SLC35F3: variants seen among roughly 807,000 people sequenced by gnomAD.
SLC35F3 encodes solute carrier family 35 member F3.
SLC35F3 carries 25 observed loss-of-function variants against 49.9 expected under a neutral mutation model. That is an observed-to-expected ratio of 0.50 (90% CI 0.37 to 0.70). The LOEUF is 0.70. SLC35F3 is among the 30% of genes least tolerant of loss of function. The probability of loss-of-function intolerance (pLI) is 0.00; values close to 1 mark genes in which losing one functional copy is unlikely to be tolerated. For synonymous variants in SLC35F3, 275 were observed against 265.4 expected (o/e 1.04, Z -0.35); for missense variants, 525 against 639.8 (o/e 0.82, Z 1.94).
At chr1:233,910,377 A>G (rs1193376087) in intron 2 of SLC35F3, among the ~76,000 whole-genome samples, 2 of 152,252 alleles carry the variant, frequency 1.3e-5, no homozygotes, top group African/African-American at 4.8e-5. Flanking sequence ...GATTGAAGGA[A>G]CATATCTTGG....
At chr1:234,040,068 G>T (rs1201507789) in intron 2 of SLC35F3, among the ~76,000 whole-genome samples, 2 of 152,154 alleles carry the variant, frequency 1.3e-5, no homozygotes, top group Admixed American at 6.5e-5. Context: ...TGGATGAATT[G>T]AATAATGGTA....
chr1:234,199,988 A>C (rs560126774), intron 2 of SLC35F3, among the ~76,000 whole-genome samples: 1 of 152,216 alleles, frequency 6.6e-6, no homozygotes, highest in Non-Finnish European at 1.5e-5. Context: ...GAATAATAGC[A>C]CACGTTTGGT....
intron 2 of SLC35F3, among the ~76,000 whole-genome samples, chr1:234,230,239 C>T (rs1025353555): frequency 6.6e-6 from 1 of 152,206 alleles, no homozygotes; most frequent in Non-Finnish European, 1.5e-5. Flanking sequence ...TATTAGCTAA[C>T]ACCTGAAAAA....
chr1:234,185,639 A>C (rs1424676694), intron 2 of SLC35F3, among the ~76,000 whole-genome samples: 1 of 152,120 alleles, frequency 6.6e-6, no homozygotes, highest in African/African-American at 2.4e-5. Context: ...CACTCTGAAA[A>C]GCCATCTCTG....
intron 3 of SLC35F3, among the ~76,000 whole-genome samples, chr1:234,239,164 A>G (rs1180377894): frequency 3.9e-5 from 6 of 152,200 alleles, no homozygotes; most frequent in Non-Finnish European, 8.8e-5. Flanking sequence ...TGCAAGATAG[A>G]TGTGACAGTG....
chr1:234,004,110 G>C lies in SLC35F3; in HGVS notation c.283+98352G>C, dbSNP rs547564717. Reference sequence around the variant, plus strand: ...AGTGAGTTTTAAAATATCTGTCCCAGAGAAATGCAAACATAGATCCACGTG... The same window carrying C: ...AGTGAGTTTTAAAATATCTGTCCCACAGAAATGCAAACATAGATCCACGTG... On this transcript the variant is annotated intron_variant, in intron 2 of 7. Transcript: ENST00000366618. Among the ~76,000 whole-genome samples the C allele has an allele frequency of 2.6e-5, 4 of 152,222 alleles. No individual in the cohort carries two copies. The South Asian group carries it at 8.3e-4, about 32-fold the overall frequency.
At chr1:234,212,471 G>A (rs1374658486) in intron 2 of SLC35F3, 1 of 152,166 alleles carries the variant, frequency 6.6e-6, no homozygotes. Context: ...TAACGTACTG[G>A]TTATAAGTTC....
intron 3 of SLC35F3, among the ~76,000 whole-genome samples, chr1:234,287,582 C>T (rs777890922): frequency 6.6e-6 from 1 of 152,198 alleles, no homozygotes; most frequent in Non-Finnish European, 1.5e-5. Context: ...CAGTTCATTT[C>T]ATTCACCCGA....
chr1:234,220,084 CA>C (rs943007493), intron 2 of SLC35F3, among the ~76,000 whole-genome samples: 1 of 152,136 alleles, frequency 6.6e-6, no homozygotes, highest in African/African-American at 2.4e-5. Context: ...AGGATTGAAA[CA>C]GGGGGAGCCA....
At chr1:234,033,934 A>C (rs968158742) in intron 2 of SLC35F3, among the ~76,000 whole-genome samples, 7 of 152,100 alleles carry the variant, frequency 4.6e-5, no homozygotes, top group Non-Finnish European at 1.0e-4. Context: ...GAATATGTAG[A>C]TTGCTTCTGG....
intron 2 of SLC35F3, among the ~76,000 whole-genome samples, chr1:233,978,193 A>G (rs1236990874): frequency 1.3e-5 from 2 of 152,218 alleles, no homozygotes; most frequent in African/African-American, 4.8e-5. Context: ...AAAGGGAGAC[A>G]GGACAGAGCA....
rs1408211128 is a variant in SLC35F3 at position 234,231,815 on chromosome 1, C to A, written c.608+74C>A. The A allele has an allele frequency of 4.2e-6, 6 of 1,416,576 alleles. No homozygotes were observed. Among genetic ancestry groups the A allele is most frequent in the South Asian group, 2.7e-5 (2 of 75,216 alleles). 87.8% of individuals were successfully genotyped at this position (1,416,576 alleles called of 1,614,324 possible). On this transcript the variant is annotated intron_variant, in intron 3 of 7. Coordinates refer to ENST00000366618, the MANE Select transcript of SLC35F3 (RefSeq NM_173508.4). This position sits in a 1 kb window ranked among gnomAD's most constrained non-coding sequence, Gnocchi z 5.4. ...CCAGCGCTGACTCTGCAGAGCTGCC[C>A]CTGGTGGCAGGCGCTGGGATGAGCC...
At chr1:234,053,209 C>T (rs934616850) in intron 2 of SLC35F3, among the ~76,000 whole-genome samples, 4 of 152,098 alleles carry the variant, frequency 2.6e-5, no homozygotes, top group Admixed American at 1.3e-4. Context: ...CTTTCTGTCT[C>T]GTTGATCTGT....
At chr1:234,194,354 C>A (rs2102930915) in intron 2 of SLC35F3, among the ~76,000 whole-genome samples, 1 of 152,204 alleles carries the variant, frequency 6.6e-6, no homozygotes, top group African/African-American at 2.4e-5. Flanking sequence ...ATGAAAACAA[C>A]AAACATCGCA....
intron 2 of SLC35F3, among the ~76,000 whole-genome samples, chr1:233,941,969 T>G (rs1291232423): frequency 3.4e-5 from 5 of 148,518 alleles, no homozygotes; most frequent in East Asian, 2.0e-4. Context: ...TTTGTTTTTT[T>G]TTTTTTTTTT....
At chr1:233,987,196 A>T (rs890993473) in intron 2 of SLC35F3, among the ~76,000 whole-genome samples, 1 of 152,154 alleles carries the variant, frequency 6.6e-6, no homozygotes, top group Non-Finnish European at 1.5e-5. Flanking sequence ...AGGCTGAGGC[A>T]CAAGAATCAC....
chr1:234,273,156 G>A (rs976446354), intron 3 of SLC35F3, among the ~76,000 whole-genome samples: 2 of 152,206 alleles, frequency 1.3e-5, no homozygotes, highest in African/African-American at 4.8e-5. Flanking sequence ...TCCCTGCCTG[G>A]TTCTCTGGAG....
rs559246375 is a variant in SLC35F3, at chr1:233,957,274, A to T, written c.283+51516A>T. ...GAAATGTACTACTTAAGGAGGCTGA[A>T]TATAAAGGAATCTGAACCATAACAA... On this transcript the variant is annotated intron_variant, in intron 2 of 7. Transcript: ENST00000366618. This position sits in a 1 kb window ranked among gnomAD's most constrained non-coding sequence, Gnocchi z 4.0. Among the ~76,000 whole-genome samples, 1 of 152,314 alleles carries T rather than the reference A, an allele frequency of 6.6e-6. No homozygotes were observed. The highest frequency in any genetic ancestry group is 1.9e-4 in the East Asian group (1 of 5,178).
At chr1:234,243,043 T>A (rs1488008594) in intron 3 of SLC35F3, among the ~76,000 whole-genome samples, 1 of 152,180 alleles carries the variant, frequency 6.6e-6, no homozygotes, top group Non-Finnish European at 1.5e-5. Context: ...GTCTTCCAAA[T>A]GCTTATTGGT....
Sources: gnomAD v4.1 joint callset for allele counts (sites outside exome capture counted in the v4.1 genomes callset) on GRCh38, gnomAD v4.1.1 for gene constraint, Gnocchi (gnomAD v3.1) non-coding constraint, MANE v1.5 for transcripts, NCBI Gene and HGNC (gene_info 2026-07-23, HGNC 2026-07-21) for gene names.